Variants in NCKAP5 observed in about 807,000 individuals in gnomAD.
NCKAP5 encodes the protein nck-associated protein 5.
A neutral mutation model predicts 167.0 loss-of-function variants in NCKAP5; 92 were observed. The observed-to-expected ratio is 0.55, with a 90% CI of 0.47 to 0.66. The LOEUF is 0.66. Among genes scored for constraint, NCKAP5 ranks in the 30% least tolerant of loss-of-function variants. NCKAP5 has a pLI of 0.00. For missense variants in NCKAP5, 2,378 were observed against 2,315.0 expected (o/e 1.03, Z -0.56); for synonymous variants, 891 against 877.4 (o/e 1.02, Z -0.27).
intron 3 of NCKAP5, among the ~76,000 whole-genome samples, chr2:133,467,040 C>T (rs1179160138): frequency 6.6e-6 from 1 of 151,944 alleles, no homozygotes; most frequent in Non-Finnish European, 1.5e-5. Flanking sequence ...GAACTTCCAA[C>T]ATTATGTTGA....
In NCKAP5 at chr2:133,330,053, C is replaced by CTTTTTTT. The variant is rs1165568563; in HGVS notation, c.70-26950_70-26944dup. 1.5e-4 allele frequency among the ~76,000 whole-genome samples: 13 copies of CTTTTTTT among 85,704 alleles called. 1 individual carries two copies. The highest frequency in any genetic ancestry group is 6.6e-3 in the Middle Eastern group (1 of 152). The allele number at this position is 85,704 out of a possible 152,430, so 56.2% of individuals were successfully genotyped here. The stretch of plus-strand genomic sequence containing the variant: ...GGGAATGTGGCCAAGAAAGCAAGAC[C>CTTTTTTT]TTTTTTTTTTTTTTTTTTTTTTTTT... On this transcript the variant is annotated intron_variant, in intron 3 of 19. Coordinates refer to ENST00000409261, the MANE Select transcript of NCKAP5 (RefSeq NM_207363.3).
intron 2 of NCKAP5, among the ~76,000 whole-genome samples, chr2:133,530,688 G>C (rs1374008827): frequency 1.3e-5 from 2 of 152,102 alleles, no homozygotes; most frequent in Non-Finnish European, 2.9e-5. Context: ...CTTGAATCTG[G>C]TAGGGCTTAT....
intron 19 of NCKAP5, among the ~76,000 whole-genome samples, chr2:132,713,398 T>C (rs959907313): frequency 3.3e-5 from 5 of 152,164 alleles, no homozygotes; most frequent in African/African-American, 1.2e-4. Flanking sequence ...GGAAGATATC[T>C]CTTCCCAAAG....
chr2:133,119,200 C>T (rs1474317284), intron 6 of NCKAP5: 1 of 152,192 alleles, frequency 6.6e-6, no homozygotes, highest in East Asian at 1.9e-4. Context: ...GATGGGGTTT[C>T]ACCATGTTGG....
At chr2:132,918,774 C>T (rs1381345664) in intron 8 of NCKAP5, among the ~76,000 whole-genome samples, 1 of 152,022 alleles carries the variant, frequency 6.6e-6, no homozygotes, top group Admixed American at 6.6e-5. Flanking sequence ...TAGAAAAAGC[C>T]ATGAAAAGAA....
At chr2:132,828,017 A>G (rs1374250424) in intron 11 of NCKAP5, among the ~76,000 whole-genome samples, 1 of 152,118 alleles carries the variant, frequency 6.6e-6, no homozygotes, top group Non-Finnish European at 1.5e-5. Flanking sequence ...GTCACACCAG[A>G]TGTGTGATCT....
intron 3 of NCKAP5, among the ~76,000 whole-genome samples, chr2:133,380,709 A>G (rs916903096): frequency 1.3e-5 from 2 of 152,136 alleles, no homozygotes; most frequent in Non-Finnish European, 2.9e-5. Flanking sequence ...TCAGGATCTC[A>G]GGCCCAATCA....
At chr2:133,227,619 A>G (rs530414117) in intron 4 of NCKAP5, among the ~76,000 whole-genome samples, 4 of 152,320 alleles carry the variant, frequency 2.6e-5, no homozygotes, top group African/African-American at 9.6e-5. Context: ...TTTATAAACC[A>G]TTCAACTAAA....
chr2:133,619,279 C>T, the NCKAP5 span, among the ~76,000 whole-genome samples: 1 of 86,718 alleles, frequency 1.2e-5, no homozygotes, highest in Non-Finnish European at 3.1e-5. Flanking sequence ...ACATTGTGCA[C>T]ATGTACCCTA....
At chr2:132,965,631 T>C (rs1024055411) in intron 7 of NCKAP5, among the ~76,000 whole-genome samples, 9 of 152,108 alleles carry the variant, frequency 5.9e-5, no homozygotes, top group Non-Finnish European at 1.0e-4. Context: ...ATATACACAG[T>C]CACACATTCC....
At chr2:133,369,748 T>C (rs970475848) in intron 3 of NCKAP5, among the ~76,000 whole-genome samples, 5 of 152,220 alleles carry the variant, frequency 3.3e-5, no homozygotes, top group African/African-American at 1.2e-4. Flanking sequence ...ATGGCTTAAA[T>C]AGCATCTAAA....
intron 3 of NCKAP5, among the ~76,000 whole-genome samples, chr2:133,391,752 C>A (rs765322883): frequency 1.3e-5 from 2 of 152,104 alleles, no homozygotes; most frequent in Non-Finnish European, 2.9e-5. Context: ...TAGCTATAGT[C>A]TAATCTTCAC....
chr2:133,393,029 T>G (rs932074157), intron 3 of NCKAP5, among the ~76,000 whole-genome samples: 1 of 152,164 alleles, frequency 6.6e-6, no homozygotes, highest in Non-Finnish European at 1.5e-5. Flanking sequence ...ACGCAACCCA[T>G]CAAATAAGAC....
intron 3 of NCKAP5, among the ~76,000 whole-genome samples, chr2:133,403,438 TA>T (rs1163458951): frequency 2.6e-5 from 4 of 152,248 alleles, no homozygotes; most frequent in African/African-American, 9.6e-5. Context: ...TTATAGGTTT[TA>T]CTAAATGTAT....
intron 5 of NCKAP5, among the ~76,000 whole-genome samples, chr2:133,195,847 T>C (rs936179928): frequency 4.6e-5 from 7 of 152,108 alleles, no homozygotes; most frequent in Admixed American, 1.3e-4. Flanking sequence ...CAGGAAAACA[T>C]GGTTACCACC....
At chr2:132,676,510 C>G (rs1293028715) in intron 19 of NCKAP5, among the ~76,000 whole-genome samples, 1 of 151,976 alleles carries the variant, frequency 6.6e-6, no homozygotes, top group African/African-American at 2.4e-5. Context: ...GCTTACTTTT[C>G]TGCCTATAGG....
chr2:132,782,524 C>A lies in NCKAP5; in HGVS notation c.4287G>T (p.Gly1429=). Residue 1429 remains glycine (G), a synonymous_variant, in exon 14 of 20, where the codon GGG becomes GGT. Coordinates refer to ENST00000409261, the MANE Select transcript of NCKAP5 (RefSeq NM_207363.3). Reference sequence around the variant, plus strand: ...CAAAAGTGCTTGGATGCTGAGTCCTCCCTGGGCTCTGCAGGGCTTCAGGGC... The same window carrying A: ...CAAAAGTGCTTGGATGCTGAGTCCTACCTGGGCTCTGCAGGGCTTCAGGGC... ...TDCPEALQSP[G]RTQHPSTFET... is the part of the protein sequence containing the mutation. 1.9e-6 allele frequency: 3 copies of A among 1,600,272 alleles called. No individual in the cohort carries two copies. The South Asian group carries it at 3.4e-5, about 18-fold the overall frequency.
chr2:133,099,288 T>C (rs991916274), intron 6 of NCKAP5, among the ~76,000 whole-genome samples: 2 of 152,226 alleles, frequency 1.3e-5, no homozygotes, highest in African/African-American at 2.4e-5. Context: ...ATTTACCCAG[T>C]GGTCTCCACG....
intron 13 of NCKAP5, among the ~76,000 whole-genome samples, chr2:132,786,975 T>A (rs1016868151): frequency 6.6e-6 from 1 of 152,178 alleles, no homozygotes; most frequent in Non-Finnish European, 1.5e-5. Flanking sequence ...GTCAGTGTCA[T>A]AATAGAGATC....
Sources: allele counts gnomAD v4.1 joint callset (sites outside exome capture counted in the v4.1 genomes callset), GRCh38; gene constraint gnomAD v4.1.1; transcripts MANE v1.5; gene names NCBI Gene and HGNC (gene_info 2026-07-23, HGNC 2026-07-21).